The following CDK14 variants were observed in gnomAD, a reference collection of about 807,000 sequenced individuals.
The protein encoded by CDK14 is cyclin dependent kinase 14.
Under a neutral mutation model 60.7 loss-of-function variants are expected in CDK14, and 34 were observed. That is an observed-to-expected ratio of 0.56 (90% CI 0.43 to 0.75). The LOEUF is 0.75. CDK14 is among the 30% of genes least tolerant of loss of function. CDK14 has a pLI of 0.00. For missense variants in CDK14, 482 were observed against 564.1 expected (o/e 0.85, Z 1.47); for synonymous variants, 197 against 203.7 (o/e 0.97, Z 0.28).
At chr7:90,919,089 G>C (rs1327228474) in intron 8 of CDK14, among the ~76,000 whole-genome samples, 1 of 152,006 alleles carries the variant, frequency 6.6e-6, no homozygotes, top group Non-Finnish European at 1.5e-5. Context: ...AGGAGAGAAG[G>C]TTTGCAGTTT....
In CDK14 at chr7:90,742,825, A is replaced by C. The variant is rs146517200; in HGVS notation, c.370-4856A>C. ...CTATTCAGCTTTAATTTTTTTATTAAAAAAAACCATTTATTGTGTATATTT... is the reference window on the plus strand; with the variant it reads ...CTATTCAGCTTTAATTTTTTTATTACAAAAAACCATTTATTGTGTATATTT... On this transcript the variant is annotated intron_variant, in intron 3 of 14. Transcript: ENST00000380050. Among the ~76,000 whole-genome samples the C allele has an allele frequency of 4.9e-3, 746 of 151,926 alleles. 4 individuals carry two copies. The highest frequency in any genetic ancestry group is 6.2e-3 in the Non-Finnish European group (424 of 67,848).
At chr7:90,829,502 C>T (rs770267134) in intron 5 of CDK14, among the ~76,000 whole-genome samples, 3 of 152,138 alleles carry the variant, frequency 2.0e-5, no homozygotes, top group Non-Finnish European at 4.4e-5. Context: ...CTTCAGGCCC[C>T]ATGAAAGTCT....
Position 90,753,121 on chromosome 7 carries a change from A to C in CDK14, c.464+5346A>C, listed in dbSNP as rs1271103086. Among the ~76,000 whole-genome samples, 4 of 152,214 alleles carry C rather than the reference A, an allele frequency of 2.6e-5. No individual in the cohort carries two copies. In the East Asian group the frequency reaches 7.7e-4, roughly 29 times the overall value. ...TATTGCAAAAAATTGAGGAAGATGG[A>C]CACCGCCTTATCATCGAGGATGATG... is the stretch of plus-strand genomic sequence containing the variant. On this transcript the variant is annotated intron_variant, in intron 4 of 14. Transcript: ENST00000380050.
intron 10 of CDK14, among the ~76,000 whole-genome samples, chr7:91,032,281 A>G (rs1178150296): frequency 6.6e-6 from 1 of 152,222 alleles, no homozygotes; most frequent in Non-Finnish European, 1.5e-5. Context: ...TGTTTACTTC[A>G]TATACCTTAT....
chr7:91,010,847 C>CCTTCCTTCCTTCCTTCCTTCTTT (rs1562867371), intron 10 of CDK14, among the ~76,000 whole-genome samples: 13 of 102,520 alleles, frequency 1.3e-4, no homozygotes, highest in African/African-American at 5.1e-4. Context: ...CTCCCTCCCT[C>CCTTCCTTCCTTCCTTCCTTCTTT]CCTCCCTCCC....
intron 9 of CDK14, among the ~76,000 whole-genome samples, chr7:90,983,732 C>G (rs1795302883): frequency 6.6e-6 from 1 of 151,850 alleles, no homozygotes; most frequent in Non-Finnish European, 1.5e-5. Flanking sequence ...ATGGATGCAG[C>G]TGGAGGCCAT....
intron 14 of CDK14, among the ~76,000 whole-genome samples, chr7:91,183,266 C>G (rs1802061679): frequency 6.6e-6 from 1 of 152,186 alleles, no homozygotes; most frequent in Non-Finnish European, 1.5e-5. Flanking sequence ...CACAGACATA[C>G]TTTACTACAC....
At chr7:90,858,304 T>C (rs1314325707) in intron 5 of CDK14, among the ~76,000 whole-genome samples, 2 of 152,272 alleles carry the variant, frequency 1.3e-5, no homozygotes, top group East Asian at 3.9e-4. Context: ...ATGATGGGTG[T>C]GAAGATATTA....
At chr7:90,929,040 C>T (rs1359663417) in intron 8 of CDK14, among the ~76,000 whole-genome samples, 1 of 152,218 alleles carries the variant, frequency 6.6e-6, no homozygotes, top group African/African-American at 2.4e-5. Context: ...GATGTAATCT[C>T]CTGGTGTGCC....
intron 8 of CDK14, among the ~76,000 whole-genome samples, chr7:90,930,028 G>T (rs17477212): frequency 0.028 from 4,295 of 152,228 alleles, 114 homozygotes; most frequent in South Asian, 0.11. Flanking sequence ...TTAGAGATTT[G>T]ATGCTCTGTT....
chr7:91,067,353 A>G (rs1368448184), intron 11 of CDK14, among the ~76,000 whole-genome samples: 1 of 152,222 alleles, frequency 6.6e-6, no homozygotes, highest in African/African-American at 2.4e-5. Flanking sequence ...GTACTTTGGC[A>G]GTTATGATCT....
At chr7:90,661,340 A>C (rs1584776669) in intron 2 of CDK14, among the ~76,000 whole-genome samples, 1 of 152,206 alleles carries the variant, frequency 6.6e-6, no homozygotes, top group African/African-American at 2.4e-5. Context: ...GAGGGACACT[A>C]TTCATAGACA....
intron 10 of CDK14, among the ~76,000 whole-genome samples, chr7:91,018,516 TCTC>T (rs1796357667): frequency 6.6e-6 from 1 of 152,178 alleles, no homozygotes; most frequent in Admixed American, 6.5e-5. Context: ...GAAAACTCTA[TCTC>T]CTCAACTCCT....
chr7:90,682,666 A>G (rs1470309682), intron 2 of CDK14, among the ~76,000 whole-genome samples: 1 of 150,564 alleles, frequency 6.6e-6, no homozygotes, highest in African/African-American at 2.4e-5. Flanking sequence ...ACCCAATACC[A>G]CCTTTTATGG....
intron 12 of CDK14, among the ~76,000 whole-genome samples, chr7:91,096,682 C>T (rs564759497): frequency 6.6e-6 from 1 of 152,274 alleles, no homozygotes; most frequent in East Asian, 1.9e-4. Flanking sequence ...GTTTTCTCCT[C>T]TTTTAATGGA....
chr7:91,012,926 A>G lies in CDK14; in HGVS notation c.1041+28685A>G, dbSNP rs1476370751. Among the ~76,000 whole-genome samples the G allele has an allele frequency of 2.6e-5, 4 of 152,260 alleles. No homozygotes were observed. The East Asian group carries it at 7.7e-4, about 29-fold the overall frequency. Reference sequence around the variant, plus strand: ...GGCGTAACGTTAAGTAGGAAATGTCAGACAACACAGCATTTCTGAGCAGGC... The same window carrying G: ...GGCGTAACGTTAAGTAGGAAATGTCGGACAACACAGCATTTCTGAGCAGGC... On this transcript the variant is annotated intron_variant, in intron 10 of 14. Transcript: ENST00000380050.
At chr7:91,067,689 C>T (rs1217699295) in intron 11 of CDK14, among the ~76,000 whole-genome samples, 1 of 152,206 alleles carries the variant, frequency 6.6e-6, no homozygotes, top group African/African-American at 2.4e-5. Context: ...AATAAAACCT[C>T]ATAACATGCC....
intron 4 of CDK14, among the ~76,000 whole-genome samples, chr7:90,787,617 C>T (rs1223569877): frequency 2.6e-5 from 4 of 152,084 alleles, no homozygotes; most frequent in African/African-American, 7.2e-5. Context: ...CAAGAAGGTC[C>T]TAGATACTGA....
chr7:90,714,792 C>A (rs899639706), intron 2 of CDK14, among the ~76,000 whole-genome samples: 2 of 152,042 alleles, frequency 1.3e-5, no homozygotes, highest in African/African-American at 2.4e-5. Flanking sequence ...TTTATAACAT[C>A]ATTCTTGACA....
Sources: allele counts gnomAD v4.1 joint callset (sites outside exome capture counted in the v4.1 genomes callset), GRCh38; gene constraint gnomAD v4.1.1; transcripts MANE v1.5; gene names NCBI Gene and HGNC (gene_info 2026-07-23, HGNC 2026-07-21).